Variants in NCAM2 observed in about 807,000 individuals in gnomAD.
The protein encoded by NCAM2 is neural cell adhesion molecule 2.
A neutral mutation model predicts 98.1 loss-of-function variants in NCAM2; 30 were observed. The ratio of observed to expected loss-of-function variants is 0.31; its 90% CI spans 0.23 to 0.41. The LOEUF is 0.41. NCAM2 is among the 10% of genes least tolerant of loss of function. The pLI is 1.00. For missense variants in NCAM2, 867 were observed against 1,005.8 expected (o/e 0.86, Z 1.87); for synonymous variants, 368 against 342.4 (o/e 1.07, Z -0.83).
intron 1 of NCAM2, among the ~76,000 whole-genome samples, chr21:21,091,638 A>C (rs1224924939): frequency 1.3e-5 from 2 of 152,130 alleles, no homozygotes; most frequent in Admixed American, 1.3e-4. Context: ...GATTACATGG[A>C]TCCTTTACTG....
chr21:21,480,260 G>C (rs904786030), intron 15 of NCAM2, among the ~76,000 whole-genome samples: 89 of 151,456 alleles, frequency 5.9e-4, no homozygotes, highest in African/African-American at 2.1e-3. Flanking sequence ...CCAGCTACTC[G>C]GGAGGCTGAG....
intron 8 of NCAM2, among the ~76,000 whole-genome samples, chr21:21,338,982 T>C (rs1602032385): frequency 6.6e-6 from 1 of 152,220 alleles, no homozygotes; most frequent in South Asian, 2.1e-4. Flanking sequence ...GCAATTTCAG[T>C]TTCTTAAAGA....
chr21:21,311,004 C>T (rs2074032064), intron 5 of NCAM2, among the ~76,000 whole-genome samples: 1 of 152,192 alleles, frequency 6.6e-6, no homozygotes, highest in Non-Finnish European at 1.5e-5. Context: ...ACTGGCAATG[C>T]ACTTAAAATC....
chr21:21,085,344 C>T (rs1347167951), intron 1 of NCAM2, among the ~76,000 whole-genome samples: 2 of 152,078 alleles, frequency 1.3e-5, no homozygotes, highest in Non-Finnish European at 2.9e-5. Context: ...CACTCTCTTC[C>T]CTCTACCCCT....
chr21:21,303,513 C>G (rs991069257), intron 5 of NCAM2, among the ~76,000 whole-genome samples: 1 of 151,778 alleles, frequency 6.6e-6, no homozygotes, highest in Non-Finnish European at 1.5e-5. Context: ...ATTTTCTTAC[C>G]CATTCACCAA....
Position 21,488,799 on chromosome 21 carries a change from G to T in NCAM2, c.2077+11328G>T, listed in dbSNP as rs371558776. ...ACTAAATATTATCACATATATTTTT[G>T]TCTGGCCTTGTAGTATTATGATTTC... On this transcript the variant is annotated intron_variant, in intron 15 of 17. Transcript: ENST00000400546. 5.3e-5 allele frequency among the ~76,000 whole-genome samples: 8 copies of T among 151,758 alleles called. No individual in the cohort carries two copies. In the East Asian group the frequency reaches 1.6e-3, roughly 29 times the overall value.
chr21:21,104,329 A>T (rs867603805), intron 1 of NCAM2, among the ~76,000 whole-genome samples: 2 of 152,276 alleles, frequency 1.3e-5, no homozygotes, highest in Middle Eastern at 3.4e-3. Context: ...CAAATGCAAA[A>T]TACATAGGAT....
At chr21:21,187,700 A>C (rs2068686663) in intron 1 of NCAM2, among the ~76,000 whole-genome samples, 1 of 152,184 alleles carries the variant, frequency 6.6e-6, no homozygotes, top group South Asian at 2.1e-4. Context: ...TAGTTATTAA[A>C]ACTTTATTTC....
intron 1 of NCAM2, among the ~76,000 whole-genome samples, chr21:21,229,148 T>C (rs2070513409): frequency 6.6e-6 from 1 of 151,442 alleles, no homozygotes; most frequent in African/African-American, 2.4e-5. Context: ...TTGGAGATGT[T>C]AATGTGGTAT....
At chr21:21,375,227 A>C (rs538649122) in intron 9 of NCAM2, among the ~76,000 whole-genome samples, 29 of 151,588 alleles carry the variant, frequency 1.9e-4, no homozygotes, top group South Asian at 1.0e-3. Context: ...AAAACAAAAA[A>C]AAAAACACCC....
In NCAM2 at chr21:21,474,488, C is replaced by G. The variant is rs565160357; in HGVS notation, c.1897-2803C>G. 2.0e-5 allele frequency among the ~76,000 whole-genome samples: 3 copies of G among 152,030 alleles called. No homozygotes were observed. The East Asian group carries it at 5.8e-4, about 29-fold the overall frequency. On this transcript the variant is annotated intron_variant, in intron 14 of 17. Coordinates refer to ENST00000400546, the MANE Select transcript of NCAM2 (RefSeq NM_004540.5). Reference sequence around the variant, plus strand: ...CCTGAAGGACATGACATCTATCTATCCCTCTAAAGAATACTTTTTTTTTTT... The same window carrying G: ...CCTGAAGGACATGACATCTATCTATGCCTCTAAAGAATACTTTTTTTTTTT...
intron 1 of NCAM2, among the ~76,000 whole-genome samples, chr21:21,174,539 C>G (rs541128423): frequency 1.3e-5 from 2 of 152,196 alleles, no homozygotes; most frequent in African/African-American, 4.8e-5. Flanking sequence ...CTAGTGCTGT[C>G]TAAGGGATAA....
intron 1 of NCAM2, among the ~76,000 whole-genome samples, chr21:21,036,851 T>G (rs1326518497): frequency 1.3e-5 from 2 of 152,192 alleles, no homozygotes; most frequent in Non-Finnish European, 2.9e-5. Context: ...AGCTAATCTT[T>G]CCTAGTTCCA....
intron 1 of NCAM2, among the ~76,000 whole-genome samples, chr21:21,049,470 C>T (rs1018860455): frequency 1.7e-4 from 7 of 40,846 alleles, no homozygotes; most frequent in African/African-American, 7.3e-4. Context: ...TCTGAATTGC[C>T]TAATAAAAAG....
chr21:21,230,280 CTTT>C (rs911082024), intron 1 of NCAM2, among the ~76,000 whole-genome samples: 36 of 151,152 alleles, frequency 2.4e-4, no homozygotes, highest in African/African-American at 8.2e-4. Context: ...CCATATTCTT[CTTT>C]TAAGTTTTTT....
chr21:21,103,904 G>T (rs955347024), intron 1 of NCAM2, among the ~76,000 whole-genome samples: 1 of 152,036 alleles, frequency 6.6e-6, no homozygotes, highest in South Asian at 2.1e-4. Flanking sequence ...AATGAAACAT[G>T]TTAGTACCAT....
At chr21:21,306,602 G>A (rs1422870579) in intron 5 of NCAM2, among the ~76,000 whole-genome samples, 1 of 152,102 alleles carries the variant, frequency 6.6e-6, no homozygotes. Context: ...TGGGGTACAT[G>A]AGATTTTCTG....
chr21:21,264,912 A>ACG lies in NCAM2; in HGVS notation c.56-15666_56-15665insCG, dbSNP rs1491559911. Among the ~76,000 whole-genome samples, 2 of 123,034 alleles carry ACG rather than the reference A, an allele frequency of 1.6e-5. 1 individual carries two copies. 80.7% of individuals were successfully genotyped at this position (123,034 alleles called of 152,430 possible). On this transcript the variant is annotated intron_variant, in intron 1 of 17. Coordinates refer to ENST00000400546, the MANE Select transcript of NCAM2 (RefSeq NM_004540.5). ...TATATGTGTGTGTATATATATACAC[A>ACG]TATATTAGATATACACATATATATG... is the stretch of plus-strand genomic sequence containing the variant.
At chr21:21,533,166 C>CTTTTTTTGTTTTTTTTTTTTTTTTTT (rs574996894) in intron 16 of NCAM2, among the ~76,000 whole-genome samples, 1 of 93,802 alleles carries the variant, frequency 1.1e-5, no homozygotes, top group Non-Finnish European at 2.1e-5. Flanking sequence ...TGTTTGCTTG[C>CTTTTTTTGTTTTTTTTTTTTTTTTTT]TTTTTTTTTT....
Sources: gnomAD v4.1 joint callset for allele counts (sites outside exome capture counted in the v4.1 genomes callset) on GRCh38, gnomAD v4.1.1 for gene constraint, MANE v1.5 for transcripts, NCBI Gene and HGNC (gene_info 2026-07-23, HGNC 2026-07-21) for gene names.